Variants in SALL1 observed in about 807,000 individuals in gnomAD.
SALL1 encodes the protein spalt like transcription factor 1, also known as sal-like protein 1.
SALL1 carries 10 observed loss-of-function variants against 73.1 expected under a neutral mutation model. The ratio of observed to expected loss-of-function variants is 0.14; its 90% CI spans 0.08 to 0.23. The LOEUF is 0.23. Ranked by LOEUF, SALL1 falls within the 10% of genes least tolerant of loss-of-function variation. SALL1 has a pLI of 1.00. For synonymous variants in SALL1, 688 were observed against 689.8 expected (o/e 1.00, Z 0.04); for missense variants, 1,520 against 1,697.3 (o/e 0.90, Z 1.84).
Position 51,151,170 on chromosome 16 carries a change from T to A in SALL1, c.72A>T (p.Arg24=). ...SDPEVASLPR[R]DGDTEKGQPS... ...GGCGCGGGCCGGAGCACTCACCATC[T>A]CGCCGGGGGAGCGAGGCCACTTCGG... The change falls in exon 1 of 3, where the codon CGA becomes CGT. Residue 24 remains arginine, a synonymous_variant. Transcript: ENST00000251020. 6.3e-7 allele frequency: 1 copy of A among 1,596,196 alleles called. No homozygotes were observed. The highest frequency in any genetic ancestry group is 8.5e-7 in the Non-Finnish European group (1 of 1,173,686).
chr16:51,143,888 G>A (rs1962479462), intron 1 of SALL1, among the ~76,000 whole-genome samples: 1 of 152,134 alleles, frequency 6.6e-6, no homozygotes, highest in East Asian at 1.9e-4. Context: ...CATAGTGCAA[G>A]ATGCATTAAC....
chr16:51,138,952 G>A lies in SALL1; in HGVS notation c.3270C>T (p.Asn1090=), dbSNP rs143637930. 4.9e-5 allele frequency: 79 copies of A among 1,614,056 alleles called. No individual in the cohort carries two copies. Among genetic ancestry groups the A allele is most frequent in the Admixed American group, 6.7e-5 (4 of 60,012 alleles). ...CCTGAGGAGAAACATGCACGAAGCC[G>A]TTGACCTCTGTCTTGATGAGAGATG... ...SLSSLIKTEV[N]GFVHVSPQDS... Residue 1090 remains asparagine, a synonymous_variant, in exon 2 of 3, where the codon AAC becomes AAT. Transcript: ENST00000251020.
upstream of SALL1, chr16:51,151,314 A>AGCGGCGGCGGCG (rs954474530): frequency 8.4e-7 from 1 of 1,194,366 alleles, no homozygotes; most frequent in Non-Finnish European, 1.1e-6. Flanking sequence ...ACGGAAATCG[A>AGCGGCGGCGGCG]GCGGCGGCGG....
At position 51,136,925 on chromosome 16, in the gene SALL1, T is replaced by C; in HGVS notation, c.*187A>G. The stretch of plus-strand genomic sequence containing the variant: ...TGTTTGCAAAGCAAGGTTATATCGC[T>C]AATAAATAAGCTTTCTTAGAACTCT... On this transcript the variant is annotated 3_prime_UTR_variant, in exon 3 of 3. Transcript: ENST00000251020. 1 of 610,760 alleles carries C rather than the reference T, an allele frequency of 1.6e-6. No homozygotes were observed. 37.8% of individuals were successfully genotyped at this position (610,760 alleles called of 1,614,324 possible).
intron 1 of SALL1, among the ~76,000 whole-genome samples, chr16:51,142,972 T>TA (rs1469131277): frequency 6.6e-6 from 1 of 151,872 alleles, no homozygotes; most frequent in African/African-American, 2.4e-5. Flanking sequence ...ATTATGCCTC[T>TA]AAATATTTCA....
At chr16:51,150,180 A>C (rs926341510) in intron 1 of SALL1, among the ~76,000 whole-genome samples, 4 of 152,100 alleles carry the variant, frequency 2.6e-5, no homozygotes, top group Non-Finnish European at 5.9e-5. Context: ...CATAGCCCCC[A>C]CACACAAACT....
At chr16:51,142,621 G>A (rs1962461388) in intron 1 of SALL1, among the ~76,000 whole-genome samples, 1 of 152,112 alleles carries the variant, frequency 6.6e-6, no homozygotes, top group Admixed American at 6.5e-5. Context: ...CCAATCAGTT[G>A]TTGACAAGGG....
chr16:51,136,075 T>C lies in SALL1; in HGVS notation c.*1037A>G, dbSNP rs2143425500. 6.5e-6 allele frequency: 1 copy of C among 152,758 alleles called. No individual in the cohort carries two copies. Among genetic ancestry groups the C allele is most frequent in the East Asian group, 1.9e-4 (1 of 5,186 alleles). 9.5% of individuals were successfully genotyped at this position (152,758 alleles called of 1,614,324 possible). On this transcript the variant is annotated 3_prime_UTR_variant, in exon 3 of 3. Coordinates refer to ENST00000251020, the MANE Select transcript of SALL1 (RefSeq NM_002968.3). ...AGTAAGTATTAAATGTTAAAGAAAT[T>C]GGACCCCCCCTTTCCTTTCAACTTT...
intron 1 of SALL1, 38 bp downstream of exon 1, chr16:51,151,128 C>CGT (rs200502187): frequency 3.0e-5 from 45 of 1,484,286 alleles, no homozygotes; most frequent in African/African-American, 1.8e-4. Flanking sequence ...AGTGTGAGTG[C>CGT]GTGTGTGTGT....
rs374907072 is a variant in SALL1 at position 51,139,703 on chromosome 16, G to A, written c.2519C>T (p.Thr840Ile). The A allele has an allele frequency of 4.3e-6, 7 of 1,614,126 alleles. No individual in the cohort carries two copies. The highest frequency in any genetic ancestry group is 1.3e-5 in the African/African-American group (1 of 74,944). The change falls in exon 2 of 3, where the codon ACA becomes ATA. Residue 840 changes from threonine (T) to isoleucine (I), a missense_variant. By Grantham distance (89) the Thr-to-Ile change is moderately conservative. This residue lies in a region of SALL1 where 266 missense variants were observed against 275.1 expected (regional missense o/e 0.97). Transcript: ENST00000251020. ...EDCPEGSIPDTPKSADASQDS... is the reference protein window; with the variant it reads ...EDCPEGSIPDIPKSADASQDS... Reference sequence around the variant, plus strand: ...TTGGGAGGCGTCTGCAGACTTAGGTGTATCAGGGATGCTGCCCTCAGGACA... The same window carrying A: ...TTGGGAGGCGTCTGCAGACTTAGGTATATCAGGGATGCTGCCCTCAGGACA...
In SALL1 at chr16:51,136,025, G is replaced by A. The variant is rs1261597335; in HGVS notation, c.*1087C>T. 7.9e-5 allele frequency: 12 copies of A among 152,530 alleles called. No individual in the cohort carries two copies. The highest frequency in any genetic ancestry group is 7.9e-4 in the Admixed American group (12 of 15,274). The allele number at this position is 152,530 out of a possible 1,614,324, so 9.4% of individuals were successfully genotyped here. On this transcript the variant is annotated 3_prime_UTR_variant, in exon 3 of 3. Coordinates refer to ENST00000251020, the MANE Select transcript of SALL1 (RefSeq NM_002968.3). ...AAAAAAAATGTATTTGATTACTTGA[G>A]TAAAATTACAGTATCTCTGTTGTTA... is the stretch of plus-strand genomic sequence containing the variant.
At chr16:51,150,722 G>T in intron 1 of SALL1, 1 of 452,252 alleles carries the variant, frequency 2.2e-6, no homozygotes, top group Non-Finnish European at 2.9e-6. Flanking sequence ...TGGCAGCAAG[G>T]CCGGGCGGCG....
chr16:51,147,780 A>AACACACACACACAC (rs145285801), intron 1 of SALL1, among the ~76,000 whole-genome samples: 43,926 of 145,828 alleles, frequency 0.3, 7,799 homozygotes, highest in South Asian at 0.45. Flanking sequence ...GAAGAACTCC[A>AACACACACACACAC]ACACACACAC....
intron 1 of SALL1, chr16:51,150,572 C>T (rs1440943049): frequency 8.1e-6 from 8 of 985,896 alleles, no homozygotes; most frequent in Non-Finnish European, 9.6e-6. Context: ...CAGTCCCCAT[C>T]TTCTTGCAGC....
intron 1 of SALL1, chr16:51,150,545 C>T: frequency 1.0e-6 from 1 of 986,060 alleles, no homozygotes; most frequent in Non-Finnish European, 1.2e-6. Context: ...GCGGGTCAGG[C>T]GCTGGCGCCC....
Position 51,141,654 on chromosome 16 carries a change from C to T in SALL1, c.568G>A (p.Val190Ile), listed in dbSNP as rs767405763. The part of the protein sequence containing the change: ...GDLTTLGNFS[V>I]INSNVIIENL... ...TCGATGATGACGTTGCTGTTGATTACGGAGAAGTTGCCCAGTGTTGTCAGG... is the reference window on the plus strand; with the variant it reads ...TCGATGATGACGTTGCTGTTGATTATGGAGAAGTTGCCCAGTGTTGTCAGG... Residue 190 changes from valine (V) to isoleucine (I), a missense_variant, in exon 2 of 3, where the codon GTA becomes ATA. Physicochemically the swap from Val to Ile is conservative, Grantham distance 29. Around this residue, in one of 7 missense-constraint regions of SALL1, gnomAD observed 540 missense variants for 567.5 expected, o/e 0.95. Transcript: ENST00000251020. The surrounding 1 kb of genome is among the most constrained non-coding windows in gnomAD (Gnocchi z 5.4). The T allele has an allele frequency of 2.6e-5, 42 of 1,613,534 alleles. No homozygotes were observed. Among genetic ancestry groups the T allele is most frequent in the Non-Finnish European group, 3.1e-5 (36 of 1,180,032 alleles).
Position 51,142,066 on chromosome 16 carries a change from G to A in SALL1, c.156C>T (p.Phe52=). 6.2e-7 allele frequency: 1 copy of A among 1,613,998 alleles called. No individual in the cohort carries two copies. The highest frequency in any genetic ancestry group is 1.1e-5 in the South Asian group (1 of 91,074). Residue 52 remains phenylalanine, a synonymous_variant, in exon 2 of 3, where the codon TTC becomes TTT. Coordinates refer to ENST00000251020, the MANE Select transcript of SALL1 (RefSeq NM_002968.3). ...AHVCGRCCAE[F]FELSDLLLHK... ...GGAGCAGAAGATCTGATAATTCAAA[G>A]AACTCGGCACAGCACCGGCCACAGA...
At position 51,141,231 on chromosome 16, in the gene SALL1, T is replaced by C; in HGVS notation, c.991A>G (p.Ile331Val). 6.2e-7 allele frequency: 1 copy of C among 1,614,158 alleles called. No homozygotes were observed. Among genetic ancestry groups the C allele is most frequent in the Non-Finnish European group, 8.5e-7 (1 of 1,180,022 alleles). The change falls in exon 2 of 3, where the codon ATT becomes GTT. Residue 331 changes from isoleucine (I) to valine (V), a missense_variant. Ile to Val is a conservative substitution (Grantham distance 29). Coordinates refer to ENST00000251020, the MANE Select transcript of SALL1 (RefSeq NM_002968.3). This position sits in a 1 kb window ranked among gnomAD's most constrained non-coding sequence, Gnocchi z 5.4. ...LPQSSSGNTI[I>V]PSNSGSSPNM... The stretch of plus-strand genomic sequence containing the variant: ...GGAGAAGAGCCGCTGTTGGATGGAA[T>C]GATGGTGTTGCCAGAACTGCTCTGA...
intron 1 of SALL1, among the ~76,000 whole-genome samples, chr16:51,144,989 G>A (rs796066378): frequency 1.1e-4 from 17 of 151,610 alleles, no homozygotes; most frequent in African/African-American, 3.9e-4. Context: ...CCAAAATACT[G>A]GTATCTATTT....
Sources: gnomAD v4.1 joint callset for allele counts (sites outside exome capture counted in the v4.1 genomes callset) on GRCh38, gnomAD v4.1.1 for gene constraint, gnomAD v4.1.1 regional missense constraint, Gnocchi (gnomAD v3.1) non-coding constraint, MANE v1.5 for transcripts, NCBI Gene and HGNC (gene_info 2026-07-23, HGNC 2026-07-21) for gene names.